Variants in VPS4A observed in about 807,000 individuals in gnomAD.
VPS4A encodes the protein vacuolar protein sorting 4 homolog A.
Under a neutral mutation model 52.3 loss-of-function variants are expected in VPS4A, and 20 were observed. That is an observed-to-expected ratio of 0.38 (90% CI 0.27 to 0.56). The LOEUF is 0.56. Among genes scored for constraint, VPS4A ranks in the 20% least tolerant of loss-of-function variants. The pLI, the probability that VPS4A is intolerant of heterozygous loss-of-function variation, is 0.72. For synonymous variants in VPS4A, 293 were observed against 227.7 expected, an observed-to-expected ratio of 1.29 and a Z score of -2.58; for missense variants, 419 against 575.9, an observed-to-expected ratio of 0.73 and a Z score of 2.79.
In VPS4A at chr16:69,324,437, T is replaced by C; in HGVS notation, c.*128T>C. On this transcript the variant is annotated 3_prime_UTR_variant, in exon 11 of 11. Transcript: ENST00000254950. Reference sequence around the variant, plus strand: ...TCAATACAGAGTTCCCTCTGCTGTCTGGCCGTCTGCCAGGGAGCCAGAAGG... The same window carrying C: ...TCAATACAGAGTTCCCTCTGCTGTCCGGCCGTCTGCCAGGGAGCCAGAAGG... 5.8e-6 allele frequency: 6 copies of C among 1,034,520 alleles called. No individual in the cohort carries two copies. The highest frequency in any genetic ancestry group is 2.3e-4 in the Middle Eastern group (1 of 4,416). The allele number at this position is 1,034,520 out of a possible 1,614,324, so 64.1% of individuals were successfully genotyped here. A position where few individuals can be genotyped will look rare whatever the true frequency, so the allele number is the denominator to read the frequency against.
At chr16:69,317,427 G>A (rs1301366364) in intron 3 of VPS4A, among the ~76,000 whole-genome samples, 2 of 152,156 alleles carry the variant, frequency 1.3e-5, no homozygotes, top group Non-Finnish European at 2.9e-5. Flanking sequence ...GGAGGCCAAC[G>A]CGGGCAGATC....
Position 69,325,731 on chromosome 16 carries a change from T to TC in VPS4A, c.*1423dup, listed in dbSNP as rs1555503057. On this transcript the variant is annotated 3_prime_UTR_variant, in exon 11 of 11. Transcript: ENST00000254950. Reference sequence around the variant, plus strand: ...CTGGGCGACAGAGCAAGACTCTGTCTCAAAAAAAAAAAAAAAGTCGAGAGT... The same window carrying TC: ...CTGGGCGACAGAGCAAGACTCTGTCTCCAAAAAAAAAAAAAAAGTCGAGAGT... 3 of 117,852 alleles carry TC rather than the reference T, an allele frequency of 2.5e-5. No homozygotes were observed. Among genetic ancestry groups the TC allele is most frequent in the African/African-American group, 6.8e-5 (2 of 29,518 alleles). 7.3% of individuals were successfully genotyped at this position (117,852 alleles called of 1,614,324 possible). A position where few individuals can be genotyped will look rare whatever the true frequency, so the allele number is the denominator to read the frequency against.
In VPS4A at chr16:69,324,301, G is replaced by A; in HGVS notation, c.1306G>A (p.Glu436Lys). 1 of 1,613,728 alleles carries A rather than the reference G, an allele frequency of 6.2e-7. No individual in the cohort carries two copies. Among genetic ancestry groups the A allele is most frequent in the Non-Finnish European group, 8.5e-7 (1 of 1,179,792 alleles). The change falls in exon 11 of 11, where the codon GAG becomes AAG. Residue 436 changes from glutamate (E) to lysine (K), a missense_variant. Coordinates refer to ENST00000254950, the MANE Select transcript of VPS4A (RefSeq NM_013245.3). Reference sequence around the variant, plus strand: ...GAAATTCTCAGAGGACTTTGGGCAAGAGAGTTAAAAGCTGCTTCACTTGGG... The same window carrying A: ...GAAATTCTCAGAGGACTTTGGGCAAAAGAGTTAAAAGCTGCTTCACTTGGG... ...VKKFSEDFGQ[E>K]S
chr16:69,322,959 TCAGGAGG>T (rs1965532973), intron 10 of VPS4A: 1 of 242,042 alleles, frequency 4.1e-6, no homozygotes, highest in Non-Finnish European at 7.9e-6. Context: ...TCCCAGCTAC[TCAGGAGG>T]CTGAGGCAGA....
chr16:69,323,635 T>G (rs1388390708), intron 10 of VPS4A: 1 of 455,918 alleles, frequency 2.2e-6, no homozygotes, highest in African/African-American at 2.0e-5. Flanking sequence ...CCCTTGTGGC[T>G]GGTGTTGGGG....
rs541102365 is a variant in VPS4A at position 69,323,496 on chromosome 16, A to T, written c.1213-712A>T. ...TAGCAAGTAAAGTCAGGTCCAGATA[A>T]TATGACGTCAATCCATGGGTTTGGC... is the stretch of plus-strand genomic sequence containing the variant. On this transcript the variant is annotated intron_variant, in intron 10 of 10. Coordinates refer to ENST00000254950, the MANE Select transcript of VPS4A (RefSeq NM_013245.3). The T allele has an allele frequency of 7.2e-4, 261 of 363,502 alleles. 6 individuals carry two copies. In the Middle Eastern group the frequency reaches 0.011, roughly 16 times the overall value. 22.5% of individuals were successfully genotyped at this position (363,502 alleles called of 1,614,324 possible).
In VPS4A at chr16:69,324,679, G is replaced by A. The variant is rs1043282598; in HGVS notation, c.*370G>A. ...TGTCAAGGAGTGGGGCGGGGTGGCG[G>A]GGGAGAAGCAGCCGTGCTGCCAGGT... On this transcript the variant is annotated 3_prime_UTR_variant, in exon 11 of 11. Coordinates refer to ENST00000254950, the MANE Select transcript of VPS4A (RefSeq NM_013245.3). 1 of 213,900 alleles carries A rather than the reference G, an allele frequency of 4.7e-6. No homozygotes were observed. Among genetic ancestry groups the A allele is most frequent in the African/African-American group, 2.3e-5 (1 of 44,378 alleles). 13.3% of individuals were successfully genotyped at this position (213,900 alleles called of 1,614,324 possible).
Position 69,318,959 on chromosome 16 carries a change from T to C in VPS4A, c.463+17T>C. On this transcript the variant is annotated intron_variant, in intron 5 of 10. Coordinates refer to ENST00000254950, the MANE Select transcript of VPS4A (RefSeq NM_013245.3). The stretch of plus-strand genomic sequence containing the variant: ...TGTTCACAGGTGAGAGTTGAGCCAT[T>C]TCAAACCCCAATGTAAAAATTCCAG... 4 of 1,608,160 alleles carry C rather than the reference T, an allele frequency of 2.5e-6. No individual in the cohort carries two copies. The highest frequency in any genetic ancestry group is 3.4e-6 in the Non-Finnish European group (4 of 1,177,484).
At chr16:69,312,211 A>C (rs909600746) in intron 1 of VPS4A, among the ~76,000 whole-genome samples, 1 of 151,868 alleles carries the variant, frequency 6.6e-6, no homozygotes, top group South Asian at 2.1e-4. Context: ...TCGGGTCTCG[A>C]GTTTCCTGGT....
chr16:69,317,426 C>A (rs933380712), intron 3 of VPS4A, among the ~76,000 whole-genome samples: 1 of 151,782 alleles, frequency 6.6e-6, no homozygotes, highest in Non-Finnish European at 1.5e-5. Flanking sequence ...GGGAGGCCAA[C>A]GCGGGCAGAT....
chr16:69,313,325 A>G (rs1965399987), intron 1 of VPS4A, among the ~76,000 whole-genome samples: 1 of 152,176 alleles, frequency 6.6e-6, no homozygotes, highest in Non-Finnish European at 1.5e-5. Context: ...TGCTTTTAGT[A>G]TATTCATGGT....
rs766413416 is a variant in VPS4A, at chr16:69,319,520, C to A, written c.597C>A (p.Ser199=). The stretch of plus-strand genomic sequence containing the variant: ...CTGTGTCCTCCTCAGATCTGATGTC[C>A]AAGTGGCTGGGGGAGAGTGAAAAGT... ...FFSVSSSDLM[S]KWLGESEKLV... Residue 199 remains serine (S), a synonymous_variant, in exon 6 of 11, where the codon TCC becomes TCA. Coordinates refer to ENST00000254950, the MANE Select transcript of VPS4A (RefSeq NM_013245.3). The A allele has an allele frequency of 6.2e-7, 1 of 1,613,670 alleles. No homozygotes were observed. The highest frequency in any genetic ancestry group is 2.2e-5 in the East Asian group (1 of 44,872).
intron 6 of VPS4A, among the ~76,000 whole-genome samples, 188 bp downstream of exon 6, chr16:69,319,731 T>C (rs1965486540): frequency 6.6e-6 from 1 of 152,158 alleles, no homozygotes; most frequent in South Asian, 2.1e-4. Context: ...GGAAGGGACC[T>C]GGGAGAGGTG....
chr16:69,316,272 G>T lies in VPS4A; in HGVS notation c.181G>T (p.Val61Leu). 4 of 1,613,852 alleles carry T rather than the reference G, an allele frequency of 2.5e-6. No individual in the cohort carries two copies. The highest frequency in any genetic ancestry group is 3.4e-6 in the Non-Finnish European group (4 of 1,179,884). ...KAKESIRAKC[V>L]QYLDRAEKLK... Reference sequence around the variant, plus strand: ...CAAGGAGAGCATTCGAGCCAAGTGCGTGCAGTACCTAGACCGGGCCGAGAA... The same window carrying T: ...CAAGGAGAGCATTCGAGCCAAGTGCTTGCAGTACCTAGACCGGGCCGAGAA... Residue 61 changes from valine (V) to leucine (L), a missense_variant, in exon 3 of 11, where the codon GTG becomes TTG. Coordinates refer to ENST00000254950, the MANE Select transcript of VPS4A (RefSeq NM_013245.3).
chr16:69,316,396 AGGAACCT>A, intron 3 of VPS4A, 24 bp downstream of exon 3: 1 of 1,612,072 alleles, frequency 6.2e-7, no homozygotes. Context: ...GCGTCCGCCC[AGGAACCT>A]GGGCCCTCCT....
At chr16:69,322,759 T>C in intron 10 of VPS4A, 59 bp downstream of exon 10, 1 of 1,554,110 alleles carries the variant, frequency 6.4e-7, no homozygotes, top group Non-Finnish European at 8.7e-7. Flanking sequence ...ATTGAGGGTT[T>C]GGGTCCAGAA....
chr16:69,313,868 G>A (rs1011251206), intron 1 of VPS4A, among the ~76,000 whole-genome samples: 1 of 152,000 alleles, frequency 6.6e-6, no homozygotes, highest in Non-Finnish European at 1.5e-5. Context: ...GAGATGCGGC[G>A]GGGCTGGCAG....
intron 10 of VPS4A, chr16:69,323,391 CCT>C: frequency 4.0e-6 from 1 of 252,056 alleles, no homozygotes; most frequent in Non-Finnish European, 8.0e-6. Flanking sequence ...CTCAAGTGAT[CCT>C]CTCAGCGTGG....
chr16:69,319,558 A>G lies in VPS4A; in HGVS notation c.620+15A>G. ...GAGAGTGAAAAGTAAGTCGGCCACC[A>G]GGCCATGCTCTGCCAGCAGCCCCGG... On this transcript the variant is annotated intron_variant, in intron 6 of 10. Transcript: ENST00000254950. 6.2e-7 allele frequency: 1 copy of G among 1,605,986 alleles called. No individual in the cohort carries two copies. The highest frequency in any genetic ancestry group is 8.5e-7 in the Non-Finnish European group (1 of 1,176,416).
Sources: gnomAD v4.1 joint callset for allele counts (sites outside exome capture counted in the v4.1 genomes callset) on GRCh38, gnomAD v4.1.1 for gene constraint, MANE v1.5 for transcripts, NCBI Gene and HGNC (gene_info 2026-07-23, HGNC 2026-07-21) for gene names.